The following ZNF644 variants were observed in gnomAD, a reference collection of about 807,000 sequenced individuals.
ZNF644 encodes the protein zinc finger protein 644.
ZNF644 carries 20 observed loss-of-function variants against 108.0 expected under a neutral mutation model. The observed-to-expected ratio is 0.19, with a 90% CI of 0.13 to 0.27. ZNF644 has a LOEUF of 0.27. Among genes scored for constraint, ZNF644 ranks in the 10% least tolerant of loss-of-function variants. ZNF644 has a pLI of 1.00. For synonymous variants in ZNF644, 542 were observed against 539.1 expected, an observed-to-expected ratio of 1.01 and a Z score of -0.08; for missense variants, 1,338 against 1,548.9, an observed-to-expected ratio of 0.86 and a Z score of 2.29.
intron 1 of ZNF644, among the ~76,000 whole-genome samples, chr1:91,003,447 C>T (rs1201296395): frequency 2.0e-5 from 3 of 151,968 alleles, no homozygotes; most frequent in East Asian, 3.9e-4. Context: ...AACCAAACAC[C>T]ACCTGTTCTC....
Position 90,954,071 on chromosome 1 carries a change from T to C in ZNF644, c.45-12762A>G, listed in dbSNP as rs1286181004. 2.0e-5 allele frequency among the ~76,000 whole-genome samples: 3 copies of C among 152,134 alleles called. No homozygotes were observed. The East Asian group carries it at 5.8e-4, about 29-fold the overall frequency. ...GAGTGGCAGATGCTGAAGGTTGGGG[T>C]GGCTGTGGCAACTTCTTAAAATAAG... On this transcript the variant is annotated intron_variant, in intron 2 of 5. Coordinates refer to ENST00000337393, the MANE Select transcript of ZNF644 (RefSeq NM_201269.3).
chr1:90,993,726 C>CA lies in ZNF644; in HGVS notation c.-17-11357dup, dbSNP rs1340216367. On this transcript the variant is annotated intron_variant, in intron 1 of 5. Coordinates refer to ENST00000337393, the MANE Select transcript of ZNF644 (RefSeq NM_201269.3). ...ATTCTGTCACAAAATTTTTCAAACT[C>CA]AGAGACACATAAACTGACCAAAATC... Among the ~76,000 whole-genome samples, 5 of 152,278 alleles carry CA rather than the reference C, an allele frequency of 3.3e-5. No individual in the cohort carries two copies. In the South Asian group the frequency reaches 1.0e-3, roughly 32 times the overall value.
chr1:90,937,657 T>C lies in ZNF644; in HGVS notation c.3516A>G (p.Ile1172Met). ...CCATCCTTTTATTTTTAAGAAGTTC[T>C]ATGAGTGTAAGAGACTGATTCTTTT... ...SGKKNQSLTL[I>M]ELLKNKRMGE... Residue 1172 changes from isoleucine (I) to methionine (M), a missense_variant, in exon 4 of 6, where the codon ATA becomes ATG. Transcript: ENST00000337393. 7 of 1,613,974 alleles carry C rather than the reference T, an allele frequency of 4.3e-6. No individual in the cohort carries two copies. The highest frequency in any genetic ancestry group is 5.9e-6 in the Non-Finnish European group (7 of 1,179,890).
rs754440795 is a variant in ZNF644, at chr1:90,941,313, G to T, written c.45-4C>A. 1.3e-6 allele frequency: 2 copies of T among 1,584,516 alleles called. No individual in the cohort carries two copies. The highest frequency in any genetic ancestry group is 1.7e-6 in the Non-Finnish European group (2 of 1,171,318). On this transcript the variant is annotated splice_region_variant and splice_polypyrimidine_tract_variant and intron_variant, in intron 2 of 5. Transcript: ENST00000337393. ...AAGCCCATTTAACACATTTAGTCTA[G>T]AAAATGGAAAAAAAAAATTTAGATT... is the stretch of plus-strand genomic sequence containing the variant.
chr1:91,021,653 G>A (rs980136493), intron 1 of ZNF644: 1 of 17,128 alleles, frequency 5.8e-5, no homozygotes, highest in Non-Finnish European at 1.2e-4. Context: ...CCATCCCCCC[G>A]CCGAGTCCCG....
At chr1:90,964,692 A>C (rs1231427619) in intron 2 of ZNF644, among the ~76,000 whole-genome samples, 1 of 152,146 alleles carries the variant, frequency 6.6e-6, no homozygotes, top group African/African-American at 2.4e-5. Flanking sequence ...GCAACAGAAA[A>C]AGCTATACTG....
At chr1:90,959,867 G>C (rs1333399100) in intron 2 of ZNF644, among the ~76,000 whole-genome samples, 1 of 152,140 alleles carries the variant, frequency 6.6e-6, no homozygotes, top group Non-Finnish European at 1.5e-5. Context: ...GTTACCTGAA[G>C]TCAACCACAG....
intron 4 of ZNF644, among the ~76,000 whole-genome samples, chr1:90,933,410 C>T (rs1650958497): frequency 6.6e-6 from 1 of 151,984 alleles, no homozygotes. Flanking sequence ...GGCTGTAATC[C>T]CAGCACTTTG....
At chr1:90,921,005 G>C (rs1240443613) in intron 4 of ZNF644, among the ~76,000 whole-genome samples, 5 of 151,856 alleles carry the variant, frequency 3.3e-5, no homozygotes, top group African/African-American at 1.2e-4. Flanking sequence ...CATACCTTTG[G>C]GAAAATCTGT....
chr1:90,962,917 GC>G (rs751200963), intron 2 of ZNF644, among the ~76,000 whole-genome samples: 3 of 152,048 alleles, frequency 2.0e-5, no homozygotes, highest in Non-Finnish European at 4.4e-5. Context: ...TGGGACACAA[GC>G]AGCATTAACA....
At chr1:90,962,752 T>C (rs1318471448) in intron 2 of ZNF644, among the ~76,000 whole-genome samples, 1 of 152,034 alleles carries the variant, frequency 6.6e-6, no homozygotes, top group Non-Finnish European at 1.5e-5. Flanking sequence ...CACTCAGTTA[T>C]AAAAACTAAA....
intron 4 of ZNF644, among the ~76,000 whole-genome samples, chr1:90,928,175 C>T (rs1350741730): frequency 4.1e-5 from 6 of 146,954 alleles, no homozygotes; most frequent in African/African-American, 1.3e-4. Flanking sequence ...ATTTATGAGA[C>T]GGAGTCTCAC....
At chr1:90,980,727 T>C (rs890767183) in intron 2 of ZNF644, among the ~76,000 whole-genome samples, 8 of 152,222 alleles carry the variant, frequency 5.3e-5, no homozygotes, top group African/African-American at 1.2e-4. Context: ...CAAGAGTACA[T>C]ACTATATATA....
chr1:90,927,487 A>T (rs1650182580), intron 4 of ZNF644, among the ~76,000 whole-genome samples: 1 of 152,194 alleles, frequency 6.6e-6, no homozygotes, highest in Admixed American at 6.5e-5. Context: ...CAAGGCAAAA[A>T]TAAGAACAAC....
At chr1:90,956,621 C>T (rs1307289986) in intron 2 of ZNF644, among the ~76,000 whole-genome samples, 1 of 152,112 alleles carries the variant, frequency 6.6e-6, no homozygotes, top group Non-Finnish European at 1.5e-5. Flanking sequence ...CACTTTATGC[C>T]TTAGGGAATT....
At chr1:90,972,087 C>T (rs942403038) in intron 2 of ZNF644, among the ~76,000 whole-genome samples, 1 of 152,094 alleles carries the variant, frequency 6.6e-6, no homozygotes, top group African/African-American at 2.4e-5. Flanking sequence ...CACCACTGCA[C>T]TCCAGTGTGG....
At chr1:90,951,139 C>G (rs1295165326) in intron 2 of ZNF644, among the ~76,000 whole-genome samples, 1 of 152,134 alleles carries the variant, frequency 6.6e-6, no homozygotes, top group Non-Finnish European at 1.5e-5. Context: ...ACTGCTATAC[C>G]CAGATCCACT....
At chr1:90,931,077 A>T (rs1001479442) in intron 4 of ZNF644, among the ~76,000 whole-genome samples, 1 of 152,194 alleles carries the variant, frequency 6.6e-6, no homozygotes, top group African/African-American at 2.4e-5. Flanking sequence ...TAAAAGAGGC[A>T]CTAGTACTTA....
chr1:91,020,074 G>A (rs990339106), intron 1 of ZNF644, among the ~76,000 whole-genome samples: 40 of 152,160 alleles, frequency 2.6e-4, no homozygotes, highest in Non-Finnish European at 3.7e-4. Flanking sequence ...ATCATCTCTG[G>A]TCCTCAATAT....
Sources: gnomAD v4.1 joint callset for allele counts (sites outside exome capture counted in the v4.1 genomes callset) on GRCh38, gnomAD v4.1.1 for gene constraint, MANE v1.5 for transcripts, NCBI Gene and HGNC (gene_info 2026-07-23, HGNC 2026-07-21) for gene names.